TESPA1: variants seen among roughly 807,000 people sequenced by gnomAD.
TESPA1 encodes protein TESPA1.
TESPA1 carries 33 observed loss-of-function variants against 57.9 expected under a neutral mutation model. The ratio of observed to expected loss-of-function variants is 0.57; its 90% CI spans 0.43 to 0.76. The LOEUF is 0.76. Among genes scored for constraint, TESPA1 ranks in the 30% least tolerant of loss-of-function variants. The probability of loss-of-function intolerance (pLI) is 0.00; values close to 1 mark genes in which losing one functional copy is unlikely to be tolerated. For synonymous variants in TESPA1, 227 were observed against 228.9 expected, an observed-to-expected ratio of 0.99 and a Z score of 0.07; for missense variants, 618 against 632.9, an observed-to-expected ratio of 0.98 and a Z score of 0.25.
chr12:54,948,044 C>A lies in TESPA1; in HGVS notation c.*2348G>T, dbSNP rs879243601. Reference sequence around the variant, plus strand: ...TGTGAGCAATAAAGCTTTTTAATCACCTGGGTGCAGGCAGGCTGAGTCCAA... The same window carrying A: ...TGTGAGCAATAAAGCTTTTTAATCAACTGGGTGCAGGCAGGCTGAGTCCAA... On this transcript the variant is annotated 3_prime_UTR_variant, in exon 11 of 11. Coordinates refer to ENST00000449076, the MANE Select transcript of TESPA1 (RefSeq NM_001136030.3). 1 of 152,208 alleles carries A rather than the reference C, an allele frequency of 6.6e-6. No homozygotes were observed. Among genetic ancestry groups the A allele is most frequent in the African/African-American group, 2.4e-5 (1 of 41,446 alleles). 9.4% of individuals were successfully genotyped at this position (152,208 alleles called of 1,614,324 possible).
Position 54,973,516 on chromosome 12 carries a change from T to C in TESPA1, c.167A>G (p.Asn56Ser). 2 of 1,614,018 alleles carry C rather than the reference T, an allele frequency of 1.2e-6. No homozygotes were observed. The highest frequency in any genetic ancestry group is 1.7e-6 in the Non-Finnish European group (2 of 1,179,882). ...CCAGTCTTCAATTTTATTGATTGGA[T>C]TCCCTAGAAAAGTCAGACACTAGAT... ...SSLDDVFQEGNPINKIEDWLQ... is the reference protein window; with the variant it reads ...SSLDDVFQEGSPINKIEDWLQ... Residue 56 changes from asparagine to serine, a missense_variant, in exon 3 of 11, where the codon AAT becomes AGT. Coordinates refer to ENST00000449076, the MANE Select transcript of TESPA1 (RefSeq NM_001136030.3).
intron 2 of TESPA1, chr12:54,973,957 T>G: frequency 1.0e-6 from 1 of 988,570 alleles, no homozygotes; most frequent in Non-Finnish European, 1.2e-6. Context: ...CTCTGAGAAG[T>G]GTAGGAAAGG....
intron 3 of TESPA1, among the ~76,000 whole-genome samples, chr12:54,968,833 T>C (rs1412305132): frequency 2.6e-5 from 4 of 152,068 alleles, no homozygotes; most frequent in African/African-American, 9.6e-5. Context: ...GAAACTGAAG[T>C]GCATCCACTG....
chr12:54,973,058 G>A (rs559023990), intron 3 of TESPA1, among the ~76,000 whole-genome samples: 1 of 152,172 alleles, frequency 6.6e-6, no homozygotes, highest in Non-Finnish European at 1.5e-5. Context: ...AGCTTCTCCT[G>A]TGCTCTGCAG....
At chr12:54,956,724 AT>A (rs1356663876) in intron 10 of TESPA1, among the ~76,000 whole-genome samples, 1 of 152,184 alleles carries the variant, frequency 6.6e-6, no homozygotes, top group Non-Finnish European at 1.5e-5. Flanking sequence ...GATAACGGCA[AT>A]TTTTAAAGAA....
chr12:54,973,776 C>G, intron 2 of TESPA1: 1 of 1,242,038 alleles, frequency 8.1e-7, no homozygotes, highest in Non-Finnish European at 1.0e-6. Flanking sequence ...CCACTGCTGT[C>G]TTTTGAGAGT....
Position 54,948,027 on chromosome 12 carries a change from A to G in TESPA1, c.*2365T>C, listed in dbSNP as rs1950178364. 1 of 152,450 alleles carries G rather than the reference A, an allele frequency of 6.6e-6. No homozygotes were observed. The highest frequency in any genetic ancestry group is 2.4e-5 in the African/African-American group (1 of 41,466). 9.4% of individuals were successfully genotyped at this position (152,450 alleles called of 1,614,324 possible). Reference sequence around the variant, plus strand: ...CAACCAAACAGGCTTTGTGTGAGCAATAAAGCTTTTTAATCACCTGGGTGC... The same window carrying G: ...CAACCAAACAGGCTTTGTGTGAGCAGTAAAGCTTTTTAATCACCTGGGTGC... On this transcript the variant is annotated 3_prime_UTR_variant, in exon 11 of 11. Transcript: ENST00000449076.
At chr12:54,984,385 C>T (rs1024155312) in intron 1 of TESPA1, among the ~76,000 whole-genome samples, 200 bp downstream of exon 1, 11 of 152,124 alleles carry the variant, frequency 7.2e-5, no homozygotes, top group African/African-American at 1.2e-4. Flanking sequence ...AACAAACAAA[C>T]GAAAGCAAAA....
chr12:54,961,716 G>A (rs1377884190), intron 9 of TESPA1, among the ~76,000 whole-genome samples: 2 of 152,202 alleles, frequency 1.3e-5, no homozygotes, highest in Non-Finnish European at 2.9e-5. Context: ...AAAGTTTGCT[G>A]GTCAAATGGC....
At chr12:54,958,854 AT>A (rs1182669359) in intron 10 of TESPA1, among the ~76,000 whole-genome samples, 1 of 151,648 alleles carries the variant, frequency 6.6e-6, no homozygotes, top group African/African-American at 2.4e-5. Context: ...TATCTCTAGC[AT>A]TTTTTTTACT....
chr12:54,967,289 A>G (rs547886642), intron 4 of TESPA1, 53 bp from the exon 5 acceptor site: 2 of 1,575,712 alleles, frequency 1.3e-6, no homozygotes, highest in Admixed American at 1.8e-5. Context: ...ACATATACAC[A>G]TGCACATGCA....
Position 54,967,193 on chromosome 12 carries a change from C to T in TESPA1, c.300G>A (p.Leu100=). 6.2e-7 allele frequency: 1 copy of T among 1,613,100 alleles called. No individual in the cohort carries two copies. The highest frequency in any genetic ancestry group is 2.2e-5 in the East Asian group (1 of 44,850). The change falls in exon 5 of 11, where the codon CTG becomes CTA. Residue 100 remains leucine (L), a synonymous_variant. Coordinates refer to ENST00000449076, the MANE Select transcript of TESPA1 (RefSeq NM_001136030.3). The part of the protein sequence containing the change: ...HGTSFEDDLT[L]GAEATLLAAN... Reference sequence around the variant, plus strand: ...AACTGTGCCACTTACCCTCCGCTCCCAGGGTCAAGTCATCTTCAAAGCTGG... The same window carrying T: ...AACTGTGCCACTTACCCTCCGCTCCTAGGGTCAAGTCATCTTCAAAGCTGG...
chr12:54,971,682 C>T (rs1951837754), intron 3 of TESPA1, among the ~76,000 whole-genome samples: 1 of 151,754 alleles, frequency 6.6e-6, no homozygotes, highest in Admixed American at 6.6e-5. Flanking sequence ...AAACATTTTG[C>T]CATATTTGCT....
intron 10 of TESPA1, among the ~76,000 whole-genome samples, chr12:54,955,307 TA>T (rs549784113): frequency 6.6e-5 from 10 of 152,100 alleles, no homozygotes; most frequent in Non-Finnish European, 1.3e-4. Flanking sequence ...ATCATCCAAT[TA>T]AAAAAATGGA....
chr12:54,964,802 A>G (rs1466177375), intron 7 of TESPA1, among the ~76,000 whole-genome samples: 11 of 152,182 alleles, frequency 7.2e-5, no homozygotes, highest in Non-Finnish European at 5.9e-5. Context: ...AAGTTTCCCT[A>G]TCTGTGAATT....
Position 54,963,688 on chromosome 12 carries a change from G to A in TESPA1, c.655+54C>T, listed in dbSNP as rs1001261046. Reference sequence around the variant, plus strand: ...GGATTTGAAGCCACTGAGCCCTGCTGTGAAAATCTAAAGGAAAAGGGAAGT... The same window carrying A: ...GGATTTGAAGCCACTGAGCCCTGCTATGAAAATCTAAAGGAAAAGGGAAGT... On this transcript the variant is annotated intron_variant, in intron 8 of 10. Transcript: ENST00000449076. The A allele has an allele frequency of 2.1e-5, 33 of 1,557,526 alleles. No individual in the cohort carries two copies. In the African/African-American group the frequency reaches 3.5e-4, roughly 17 times the overall value.
At chr12:54,972,363 G>A (rs551596426) in intron 3 of TESPA1, among the ~76,000 whole-genome samples, 6 of 152,290 alleles carry the variant, frequency 3.9e-5, no homozygotes, top group African/African-American at 7.2e-5. Context: ...TAGCAAAAGC[G>A]TAATTAATAA....
intron 3 of TESPA1, among the ~76,000 whole-genome samples, chr12:54,973,169 CA>C (rs1229010761): frequency 2.0e-5 from 3 of 152,192 alleles, no homozygotes; most frequent in Admixed American, 2.0e-4. Context: ...AGGGGGAAGT[CA>C]GGGGAGTAGG....
chr12:54,959,059 C>G (rs1950915196), intron 10 of TESPA1, among the ~76,000 whole-genome samples: 1 of 152,072 alleles, frequency 6.6e-6, no homozygotes, highest in African/African-American at 2.4e-5. Flanking sequence ...TTTTTTACAA[C>G]TGGACGCGAT....
Sources: gnomAD v4.1 joint callset for allele counts (sites outside exome capture counted in the v4.1 genomes callset) on GRCh38, gnomAD v4.1.1 for gene constraint, MANE v1.5 for transcripts, NCBI Gene and HGNC (gene_info 2026-07-23, HGNC 2026-07-21) for gene names.